SLMAP: variants seen among roughly 807,000 people sequenced by gnomAD.
SLMAP encodes the protein sarcolemmal membrane-associated protein.
A neutral mutation model predicts 128.8 loss-of-function variants in SLMAP; 44 were observed. The ratio of observed to expected loss-of-function variants is 0.34; its 90% confidence interval spans 0.27 to 0.44. The LOEUF (loss-of-function observed/expected upper bound fraction) is 0.44, where lower values mean the gene tolerates loss of function less well. SLMAP is among the 20% of genes least tolerant of loss of function. The pLI is 1.00. For missense variants in SLMAP, 787 were observed against 985.3 expected (o/e 0.80, Z 2.69); for synonymous variants, 327 against 348.8 (o/e 0.94, Z 0.70).
At chr3:57,839,521 A>G (rs2093817623) in intron 3 of SLMAP, among the ~76,000 whole-genome samples, 1 of 148,472 alleles carries the variant, frequency 6.7e-6, no homozygotes, top group Non-Finnish European at 1.5e-5. Context: ...GCTCACTGCA[A>G]CTTTCGCCTC....
At chr3:57,850,568 G>A (rs993510809) in intron 6 of SLMAP, among the ~76,000 whole-genome samples, 6 of 152,028 alleles carry the variant, frequency 3.9e-5, no homozygotes, top group Admixed American at 1.3e-4. Context: ...ATAGGTGTGA[G>A]CCGCCATGCC....
chr3:57,906,300 CTTTTTTTTTCTTTTTT>C (rs1261397962), intron 17 of SLMAP, among the ~76,000 whole-genome samples: 1 of 71,290 alleles, frequency 1.4e-5, no homozygotes, highest in African/African-American at 4.8e-5. Context: ...AAATTTTTTT[CTTTTTTTTTCTTTTTT>C]TTTTTTTTTT....
intron 2 of SLMAP, among the ~76,000 whole-genome samples, chr3:57,819,085 A>T (rs2092244519): frequency 6.6e-6 from 1 of 152,150 alleles, no homozygotes; most frequent in African/African-American, 2.4e-5. Flanking sequence ...TGTTTCATAA[A>T]TTGCATTGTT....
At chr3:57,830,130 G>A (rs990579508) in intron 2 of SLMAP, among the ~76,000 whole-genome samples, 1 of 152,140 alleles carries the variant, frequency 6.6e-6, no homozygotes, top group Non-Finnish European at 1.5e-5. Flanking sequence ...TGCCTCCCGG[G>A]TTCAGGTGAT....
chr3:57,812,674 G>A (rs1434990023), intron 2 of SLMAP, among the ~76,000 whole-genome samples: 1 of 152,040 alleles, frequency 6.6e-6, no homozygotes, highest in Non-Finnish European at 1.5e-5. Flanking sequence ...CATCTTAACA[G>A]TATTAAGACT....
intron 2 of SLMAP, among the ~76,000 whole-genome samples, chr3:57,831,142 A>G (rs1577202787): frequency 6.6e-6 from 1 of 152,280 alleles, no homozygotes; most frequent in East Asian, 1.9e-4. Context: ...TGAGGACCTG[A>G]CAAACTCTTT....
intron 6 of SLMAP, among the ~76,000 whole-genome samples, chr3:57,853,955 T>TTATATATATA (rs1157170350): frequency 3.5e-3 from 113 of 31,906 alleles, no homozygotes; most frequent in East Asian, 4.1e-3. Context: ...AAAAAAAAAA[T>TTATATATATA]TATATATATA....
intron 2 of SLMAP, among the ~76,000 whole-genome samples, chr3:57,817,340 C>T (rs1236112216): frequency 6.6e-6 from 1 of 152,114 alleles, no homozygotes; most frequent in Admixed American, 6.5e-5. Context: ...TTATTATGCA[C>T]TTACTGTAAG....
chr3:57,807,588 A>G (rs775279456), intron 2 of SLMAP, among the ~76,000 whole-genome samples: 14 of 152,154 alleles, frequency 9.2e-5, no homozygotes, highest in Non-Finnish European at 1.8e-4. Context: ...GTGATGGATT[A>G]TGTTTATTGA....
At chr3:57,893,556 C>T (rs1344563442) in intron 15 of SLMAP, among the ~76,000 whole-genome samples, 1 of 152,100 alleles carries the variant, frequency 6.6e-6, no homozygotes, top group Non-Finnish European at 1.5e-5. Flanking sequence ...AGCTAATACT[C>T]TAAATATAGA....
intron 15 of SLMAP, among the ~76,000 whole-genome samples, chr3:57,895,255 C>T (rs2096209174): frequency 6.6e-6 from 1 of 152,112 alleles, no homozygotes; most frequent in South Asian, 2.1e-4. Flanking sequence ...GAGGACAGTT[C>T]TTTGAAAATT....
intron 8 of SLMAP, among the ~76,000 whole-genome samples, 185 bp downstream of exon 8, chr3:57,858,344 T>C (rs2094889708): frequency 6.6e-6 from 1 of 152,238 alleles, no homozygotes; most frequent in South Asian, 2.1e-4. Context: ...AATACCCATG[T>C]ACAAGTCTGT....
chr3:57,806,604 A>G (rs146111395), intron 2 of SLMAP, among the ~76,000 whole-genome samples: 2,767 of 151,736 alleles, frequency 0.018, 74 homozygotes, highest in African/African-American at 0.063. Flanking sequence ...TGCCTGGCCA[A>G]TTTTTTTGTA....
chr3:57,878,528 C>CT (rs2095656217), intron 14 of SLMAP, among the ~76,000 whole-genome samples: 1 of 152,172 alleles, frequency 6.6e-6, no homozygotes, highest in Admixed American at 6.5e-5. Flanking sequence ...GATGCACTCT[C>CT]TCACTGGCAG....
chr3:57,884,766 G>T (rs1011943067), intron 14 of SLMAP, among the ~76,000 whole-genome samples: 2 of 151,992 alleles, frequency 1.3e-5, no homozygotes, highest in Non-Finnish European at 2.9e-5. Flanking sequence ...CAGAGATCAC[G>T]CCACTGCACT....
intron 2 of SLMAP, among the ~76,000 whole-genome samples, chr3:57,786,991 C>G (rs1419485719): frequency 6.6e-6 from 1 of 152,146 alleles, no homozygotes; most frequent in Non-Finnish European, 1.5e-5. Flanking sequence ...CCGCCTCGGC[C>G]TCCCAAAGTG....
At chr3:57,902,677 G>A (rs958462273) in intron 17 of SLMAP, among the ~76,000 whole-genome samples, 8 of 152,140 alleles carry the variant, frequency 5.3e-5, no homozygotes, top group African/African-American at 1.9e-4. Context: ...AAATATGGGA[G>A]AGAGATGGAA....
chr3:57,917,254 G>C, intron 22 of SLMAP, 177 bp downstream of exon 22: 1 of 1,456,932 alleles, frequency 6.9e-7, no homozygotes, highest in Non-Finnish European at 9.1e-7. Context: ...TCCATATGTA[G>C]AGAATTCTTC....
At position 57,907,962 on chromosome 3, in the gene SLMAP, A is replaced by C. The variant is rs2096607956; in HGVS notation, c.1580A>C (p.Gln527Pro). ...CTTCGAAAGGAATTGATCGAAGCCC[A>C]GGAGCTAGCTAGAACAAGTAAACAA... ...QHLRKELIEAQELARTSKQKC... is the reference protein window; with the variant it reads ...QHLRKELIEAPELARTSKQKC... Residue 527 changes from glutamine (Q) to proline (P), a missense_variant, in exon 18 of 25, where the codon CAG becomes CCG. Transcript: ENST00000671191. 2 of 1,613,846 alleles carry C rather than the reference A, an allele frequency of 1.2e-6. No individual in the cohort carries two copies. Among genetic ancestry groups the C allele is most frequent in the Admixed American group, 1.7e-5 (1 of 60,002 alleles).
Sources: gnomAD v4.1 joint callset for allele counts (sites outside exome capture counted in the v4.1 genomes callset) on GRCh38, gnomAD v4.1.1 for gene constraint, MANE v1.5 for transcripts, NCBI Gene and HGNC (gene_info 2026-07-23, HGNC 2026-07-21) for gene names.